LRRC3B: variants seen among roughly 807,000 people sequenced by gnomAD.
The protein encoded by LRRC3B is leucine-rich repeat-containing protein 3B.
A neutral mutation model predicts 12.8 loss-of-function variants in LRRC3B; 2 were observed. That is an observed-to-expected ratio of 0.16 (90% CI 0.06 to 0.49). LRRC3B has a LOEUF of 0.49. Among genes scored for constraint, LRRC3B ranks in the 20% least tolerant of loss-of-function variants. The pLI is 0.96. For synonymous variants in LRRC3B, 132 were observed against 122.0 expected (o/e 1.08, Z -0.54); for missense variants, 189 against 319.4 (o/e 0.59, Z 3.11).
At chr3:26,695,863 GGC>G (rs1208090680) in intron 1 of LRRC3B, among the ~76,000 whole-genome samples, 1 of 152,192 alleles carries the variant, frequency 6.6e-6, no homozygotes, top group Non-Finnish European at 1.5e-5. Context: ...AATCCACAAT[GGC>G]TAAAACCAGG....
chr3:26,646,598 T>TAAAAAAA lies in LRRC3B; in HGVS notation c.-161+23393_-161+23399dup, dbSNP rs529066996. ...CCCAGAGGCCACTAAGGATAGGAGG[T>TAAAAAAA]AAAAAAAAAAAAAAAAAAAAAAAAA... On this transcript the variant is annotated intron_variant, in intron 1 of 1. Coordinates refer to ENST00000396641, the Ensembl canonical transcript of LRRC3B. 6.3e-4 allele frequency among the ~76,000 whole-genome samples: 63 copies of TAAAAAAA among 99,644 alleles called. 4 individuals are homozygous for TAAAAAAA. The highest frequency in any genetic ancestry group is 3.4e-3 in the East Asian group (9 of 2,626). 65.4% of individuals were successfully genotyped at this position (99,644 alleles called of 152,430 possible).
chr3:26,650,593 T>TC (rs1251481107), intron 1 of LRRC3B, among the ~76,000 whole-genome samples: 1 of 152,128 alleles, frequency 6.6e-6, no homozygotes, highest in Non-Finnish European at 1.5e-5. Flanking sequence ...GCTTTTTTTT[T>TC]CACCAAACAC....
At chr3:26,636,958 CTTTCTTTCTTTCTT>C (rs1382006890) in intron 1 of LRRC3B, among the ~76,000 whole-genome samples, 1,915 of 125,222 alleles carry the variant, frequency 0.015, 113 homozygotes, top group East Asian at 0.14. Context: ...TTCTTTCTTT[CTTTCTTTCTTTCTT>C]TCTCTCTCTC....
chr3:26,661,606 A>G (rs1199202013), intron 1 of LRRC3B, among the ~76,000 whole-genome samples: 1 of 152,200 alleles, frequency 6.6e-6, no homozygotes. Context: ...TCAAATGGAT[A>G]TATTATAGTT....
chr3:26,659,661 T>G (rs577343322), intron 1 of LRRC3B, among the ~76,000 whole-genome samples: 4 of 152,290 alleles, frequency 2.6e-5, no homozygotes, highest in Admixed American at 2.6e-4. Context: ...TGGTTTTGCC[T>G]GGGACACACA....
chr3:26,662,351 G>C (rs1304454631), intron 1 of LRRC3B, among the ~76,000 whole-genome samples: 1 of 152,120 alleles, frequency 6.6e-6, no homozygotes, highest in African/African-American at 2.4e-5. Context: ...ATATGCATGA[G>C]TATGAATATA....
At position 26,709,382 on chromosome 3, in the gene LRRC3B, G is replaced by A. The variant is rs1312719436; in HGVS notation, c.-160-131G>A. On this transcript the variant is annotated intron_variant, in intron 1 of 1. Coordinates refer to ENST00000396641, the Ensembl canonical transcript of LRRC3B. ...CCCATTTCGCAGATAACTCCCAGTG[G>A]CATTGATGGAAATTACCTGCATAAC... 7.3e-6 allele frequency: 3 copies of A among 409,384 alleles called. No homozygotes were observed. In the Admixed American group the frequency reaches 1.2e-4, roughly 16 times the overall value. The allele number at this position is 409,384 out of a possible 1,614,324, so 25.4% of individuals were successfully genotyped here. A position where few individuals can be genotyped will look rare whatever the true frequency, so the allele number is the denominator to read the frequency against.
intron 1 of LRRC3B, among the ~76,000 whole-genome samples, chr3:26,660,066 G>A (rs994879894): frequency 5.9e-5 from 9 of 151,860 alleles, no homozygotes; most frequent in Non-Finnish European, 8.8e-5. Flanking sequence ...TTCTCCCTCC[G>A]AGTTTTAGTA....
At chr3:26,636,978 C>CTCTCTCTTTCTCTCTT (rs200480105) in intron 1 of LRRC3B, among the ~76,000 whole-genome samples, 73 of 88,128 alleles carry the variant, frequency 8.3e-4, no homozygotes, top group Non-Finnish European at 1.0e-3. Context: ...TTCTTTCTCT[C>CTCTCTCTTTCTCTCTT]TCTCTCTTTC....
Position 26,671,350 on chromosome 3 carries a change from GTATATATA to G in LRRC3B, c.-160-38146_-160-38139del, listed in dbSNP as rs1161960755. Among the ~76,000 whole-genome samples, 43 of 56,742 alleles carry G rather than the reference GTATATATA, an allele frequency of 7.6e-4. 1 individual carries two copies. Among genetic ancestry groups the G allele is most frequent in the Admixed American group, 1.1e-3 (4 of 3,762 alleles). 37.2% of individuals were successfully genotyped at this position (56,742 alleles called of 152,430 possible). On this transcript the variant is annotated intron_variant, in intron 1 of 1. Transcript: ENST00000396641. The stretch of plus-strand genomic sequence containing the variant: ...TATAAATGTGTGTGTATATATGTGT[GTATATATA>G]TATATATATATATATAGAGAGAGAG...
intron 1 of LRRC3B, among the ~76,000 whole-genome samples, chr3:26,632,895 G>T (rs1474998811): frequency 6.6e-6 from 1 of 152,088 alleles, no homozygotes; most frequent in Non-Finnish European, 1.5e-5. Context: ...GCTGACGATT[G>T]TCCACATTTT....
chr3:26,675,506 C>T (rs956889339), intron 1 of LRRC3B, among the ~76,000 whole-genome samples: 2 of 152,132 alleles, frequency 1.3e-5, no homozygotes, highest in African/African-American at 2.4e-5. Context: ...TTCAGTTTGC[C>T]CAGAATATTC....
At chr3:26,666,168 T>C (rs1699594108) in intron 1 of LRRC3B, among the ~76,000 whole-genome samples, 1 of 152,042 alleles carries the variant, frequency 6.6e-6, no homozygotes, top group Non-Finnish European at 1.5e-5. Context: ...ATCTGGATCC[T>C]AAATTTAGTC....
At chr3:26,648,014 G>A (rs1297250493) in intron 1 of LRRC3B, among the ~76,000 whole-genome samples, 1 of 152,086 alleles carries the variant, frequency 6.6e-6, no homozygotes, top group Non-Finnish European at 1.5e-5. Flanking sequence ...TGACTCGACA[G>A]TGCCTTGATG....
chr3:26,640,756 G>A (rs1465926659), intron 1 of LRRC3B, among the ~76,000 whole-genome samples: 1 of 152,088 alleles, frequency 6.6e-6, no homozygotes, highest in Non-Finnish European at 1.5e-5. Flanking sequence ...ATGGCATGCT[G>A]GGTGTAGGAA....
At chr3:26,653,786 C>A (rs934073116) in intron 1 of LRRC3B, among the ~76,000 whole-genome samples, 12 of 152,160 alleles carry the variant, frequency 7.9e-5, no homozygotes, top group African/African-American at 2.9e-4. Flanking sequence ...TTTCTGAGAG[C>A]AGACTGTACC....
rs1003369542 is a variant in LRRC3B at position 26,669,821 on chromosome 3, T to C, written c.-160-39692T>C. ...CTAACAGATACCCCTCACAGGCTGA[T>C]TATTTTATTTTAGTTTATGTTGCTT... On this transcript the variant is annotated intron_variant, in intron 1 of 1. Coordinates refer to ENST00000396641, the Ensembl canonical transcript of LRRC3B. Among the ~76,000 whole-genome samples the C allele has an allele frequency of 2.0e-5, 3 of 152,342 alleles. No individual in the cohort carries two copies. The East Asian group carries it at 5.8e-4, about 29-fold the overall frequency.
intron 1 of LRRC3B, among the ~76,000 whole-genome samples, chr3:26,690,401 G>A (rs535822181): frequency 2.6e-5 from 4 of 152,242 alleles, no homozygotes; most frequent in Admixed American, 6.5e-5. Context: ...GAATAAATGC[G>A]AGGTTGGAGA....
intron 1 of LRRC3B, among the ~76,000 whole-genome samples, chr3:26,690,390 A>G (rs1700166237): frequency 6.6e-6 from 1 of 152,150 alleles, no homozygotes; most frequent in South Asian, 2.1e-4. Flanking sequence ...TCACCAAGAG[A>G]GAATAAATGC....
Sources: allele counts gnomAD v4.1 joint callset (sites outside exome capture counted in the v4.1 genomes callset), GRCh38; gene constraint gnomAD v4.1.1; transcripts MANE v1.5; gene names NCBI Gene and HGNC (gene_info 2026-07-23, HGNC 2026-07-21).